HPSE2: variants seen among roughly 807,000 people sequenced by gnomAD.
HPSE2 encodes heparanase 2 (inactive).
HPSE2 carries 38 observed loss-of-function variants against 60.5 expected under a neutral mutation model. The observed-to-expected ratio is 0.63, with a 90% CI of 0.48 to 0.82. The LOEUF (loss-of-function observed/expected upper bound fraction) is 0.82, where lower values mean the gene tolerates loss of function less well. Ranked by LOEUF, HPSE2 falls within the 40% of genes least tolerant of loss-of-function variation. The probability of loss-of-function intolerance (pLI) is 0.00; values close to 1 mark genes in which losing one functional copy is unlikely to be tolerated. For missense variants in HPSE2, 713 were observed against 740.4 expected (o/e 0.96, Z 0.43); for synonymous variants, 295 against 293.2 (o/e 1.01, Z -0.06).
In HPSE2 at chr10:98,855,075, A is replaced by T. The variant is rs116257743; in HGVS notation, c.611-111019T>A. Reference sequence around the variant, plus strand: ...ATCTCAGGGCAACCAACTAGCATGAATTCTACAGACAGGCACCTCCAAAAA... The same window carrying T: ...ATCTCAGGGCAACCAACTAGCATGATTTCTACAGACAGGCACCTCCAAAAA... On this transcript the variant is annotated intron_variant, in intron 3 of 11. Coordinates refer to ENST00000370552, the MANE Select transcript of HPSE2 (RefSeq NM_021828.5). 7.6e-4 allele frequency among the ~76,000 whole-genome samples: 115 copies of T among 152,284 alleles called. 1 individual carries two copies. The highest frequency in any genetic ancestry group is 2.7e-3 in the African/African-American group (111 of 41,566).
At chr10:98,646,814 G>A (rs1031464247) in intron 6 of HPSE2, among the ~76,000 whole-genome samples, 3 of 152,046 alleles carry the variant, frequency 2.0e-5, no homozygotes, top group African/African-American at 7.3e-5. Flanking sequence ...CATTGTAGAC[G>A]AATTAGAGAA....
intron 9 of HPSE2, among the ~76,000 whole-genome samples, chr10:98,508,887 A>G (rs1287065447): frequency 6.6e-6 from 1 of 152,200 alleles, no homozygotes; most frequent in Non-Finnish European, 1.5e-5. Flanking sequence ...ATAGAGACCT[A>G]AGGATTTCAG....
chr10:99,140,679 G>A (rs1216329380), intron 3 of HPSE2, among the ~76,000 whole-genome samples: 1 of 152,194 alleles, frequency 6.6e-6, no homozygotes, highest in Non-Finnish European at 1.5e-5. Flanking sequence ...AGGGAGCAAG[G>A]TTAAGGGAGA....
At chr10:98,869,829 T>A (rs1366351055) in intron 3 of HPSE2, among the ~76,000 whole-genome samples, 1 of 152,102 alleles carries the variant, frequency 6.6e-6, no homozygotes, top group African/African-American at 2.4e-5. Context: ...CCTTCCGAAG[T>A]GTATTGAGAG....
intron 3 of HPSE2, among the ~76,000 whole-genome samples, chr10:99,139,926 G>A (rs1041421336): frequency 6.6e-6 from 1 of 151,986 alleles, no homozygotes; most frequent in African/African-American, 2.4e-5. Flanking sequence ...TATCCCCCTG[G>A]CATTTGCTTC....
intron 2 of HPSE2, among the ~76,000 whole-genome samples, chr10:99,208,926 T>C (rs1848858761): frequency 6.6e-6 from 1 of 152,062 alleles, no homozygotes; most frequent in Non-Finnish European, 1.5e-5. Context: ...TAAAACATGA[T>C]AAAGGGATTA....
chr10:98,881,897 T>TTGGAAG (rs1313907039), intron 3 of HPSE2, among the ~76,000 whole-genome samples: 2 of 152,090 alleles, frequency 1.3e-5, no homozygotes, highest in African/African-American at 4.8e-5. Context: ...CCTGCATCCA[T>TTGGAAG]TGGAAGTGTA....
At chr10:98,521,437 C>T (rs1415441135) in intron 9 of HPSE2, among the ~76,000 whole-genome samples, 2 of 152,148 alleles carry the variant, frequency 1.3e-5, no homozygotes. Flanking sequence ...CAATGAGATA[C>T]CATCTCATGC....
In HPSE2 at chr10:98,773,656, T is replaced by G. The variant is rs189726805; in HGVS notation, c.611-29600A>C. 2.7e-3 allele frequency among the ~76,000 whole-genome samples: 414 copies of G among 152,286 alleles called. 3 individuals are homozygous for G. The highest frequency in any genetic ancestry group is 8.8e-3 in the African/African-American group (367 of 41,568). ...AAATAATCAGAATGGGATGCACAAGTGCATAAGAATGTTCATCTCAGCTTT... is the reference window on the plus strand; with the variant it reads ...AAATAATCAGAATGGGATGCACAAGGGCATAAGAATGTTCATCTCAGCTTT... On this transcript the variant is annotated intron_variant, in intron 3 of 11. Transcript: ENST00000370552.
intron 3 of HPSE2, among the ~76,000 whole-genome samples, chr10:98,983,097 C>T (rs1367430535): frequency 6.6e-6 from 1 of 152,168 alleles, no homozygotes. Flanking sequence ...GCACCAGGGA[C>T]CAGTTTCATG....
chr10:98,622,951 T>C (rs1946112495), intron 7 of HPSE2, among the ~76,000 whole-genome samples: 1 of 152,172 alleles, frequency 6.6e-6, no homozygotes, highest in Non-Finnish European at 1.5e-5. Flanking sequence ...ACTACATCTA[T>C]GATTTCCCTT....
Position 98,482,642 on chromosome 10 carries a change from TTTAGGCCCTCC to T in HPSE2, c.1596_1606del (p.Glu533ValfsTer79). ...TTTTCAGGTTGGCACGTACTTGGAC[TTTAGGCCCTCC>T]TGCCCATAGGGCTGCAGCAGGTACT... On this transcript the variant is annotated frameshift_variant, in exon 11 of 12. Transcript: ENST00000370552. LOFTEE classifies it high-confidence loss of function. The T allele has an allele frequency of 6.2e-7, 1 of 1,614,168 alleles. No individual in the cohort carries two copies. The highest frequency in any genetic ancestry group is 8.5e-7 in the Non-Finnish European group (1 of 1,180,032).
rs398069877 is a variant in HPSE2 at position 98,929,020 on chromosome 10, A to AAATG, written c.611-184965_611-184964insCATT. On this transcript the variant is annotated intron_variant, in intron 3 of 11. Coordinates refer to ENST00000370552, the MANE Select transcript of HPSE2 (RefSeq NM_021828.5). ...TAAATAAATAAATAAATAAATAAATATTTTTTAGTCTCAAAAATAAAAGGA... is the reference window on the plus strand; with the variant it reads ...TAAATAAATAAATAAATAAATAAATAAATGTTTTTTAGTCTCAAAAATAAAAGGA... Among the ~76,000 whole-genome samples the AAATG allele has an allele frequency of 1.2e-4, 17 of 140,506 alleles. 3 individuals are homozygous for AAATG. Among genetic ancestry groups the AAATG allele is most frequent in the Non-Finnish European group, 2.1e-4 (14 of 66,422 alleles). The allele number at this position is 140,506 out of a possible 152,430, so 92.2% of individuals were successfully genotyped here.
chr10:99,144,458 C>G lies in HPSE2; in HGVS notation c.449-59G>C. The stretch of plus-strand genomic sequence containing the variant: ...AACTAAAACAAAACAAAAAATAATA[C>G]ATCATCAAAGTCTTGTTTCACCCAA... On this transcript the variant is annotated intron_variant, in intron 2 of 11. Transcript: ENST00000370552. 3 of 1,584,300 alleles carry G rather than the reference C, an allele frequency of 1.9e-6. No homozygotes were observed. In the Admixed American group the frequency reaches 5.1e-5, roughly 27 times the overall value.
chr10:99,263,474 T>TTTTTTTTTTTTTTTTTTTTTTTTTTTGAG, the HPSE2 span, among the ~76,000 whole-genome samples: 1 of 152,204 alleles, frequency 6.6e-6, no homozygotes, highest in African/African-American at 2.4e-5. Context: ...AATGCCTCTT[T>TTTTTTTTTTTTTTTTTTTTTTTTTTTGAG]AATAAAAACT....
the HPSE2 span, among the ~76,000 whole-genome samples, chr10:99,306,513 T>A: frequency 8.5e-5 from 13 of 152,232 alleles, no homozygotes; most frequent in East Asian, 2.5e-3. Flanking sequence ...AAAAACCTCA[T>A]TATGTGAATA....
chr10:99,000,482 G>C (rs1466462459), intron 3 of HPSE2, among the ~76,000 whole-genome samples: 2 of 152,044 alleles, frequency 1.3e-5, no homozygotes, highest in African/African-American at 4.8e-5. Context: ...AGTGACAAGA[G>C]ATAATGGCTA....
At chr10:98,534,879 C>T (rs1455801762) in intron 9 of HPSE2, among the ~76,000 whole-genome samples, 1 of 152,160 alleles carries the variant, frequency 6.6e-6, no homozygotes, top group Non-Finnish European at 1.5e-5. Flanking sequence ...AATAAAAGAA[C>T]TAGAGCCTTC....
chr10:98,574,863 T>C (rs1281767876), intron 9 of HPSE2, among the ~76,000 whole-genome samples: 1 of 152,144 alleles, frequency 6.6e-6, no homozygotes, highest in Non-Finnish European at 1.5e-5. Flanking sequence ...TGTGTATCTG[T>C]ACATACATAC....
Sources: allele counts gnomAD v4.1 joint callset (sites outside exome capture counted in the v4.1 genomes callset), GRCh38; gene constraint gnomAD v4.1.1; transcripts MANE v1.5; gene names NCBI Gene and HGNC (gene_info 2026-07-23, HGNC 2026-07-21).